LTBP1: variants seen among roughly 807,000 people sequenced by gnomAD.
LTBP1 encodes latent transforming growth factor beta binding protein 1.
Under a neutral mutation model 207.6 loss-of-function variants are expected in LTBP1, and 129 were observed. The ratio of observed to expected loss-of-function variants is 0.62; its 90% CI spans 0.54 to 0.72. LTBP1 has a LOEUF of 0.72. LTBP1 is among the 30% of genes least tolerant of loss of function. The probability of loss-of-function intolerance (pLI) is 0.00; values close to 1 mark genes in which losing one functional copy is unlikely to be tolerated. For missense variants in LTBP1, 2,281 were observed against 2,217.2 expected, an observed-to-expected ratio of 1.03 and a Z score of -0.58; for synonymous variants, 963 against 833.7, an observed-to-expected ratio of 1.16 and a Z score of -2.67.
intron 2 of LTBP1, among the ~76,000 whole-genome samples, chr2:32,953,035 C>G (rs148451684): frequency 9.3e-4 from 141 of 152,310 alleles, no homozygotes; most frequent in African/African-American, 2.2e-3. Context: ...TCACTTAACT[C>G]GTGGCACATC....
At chr2:33,339,353 G>T (rs1257932615) in intron 24 of LTBP1, among the ~76,000 whole-genome samples, 1 of 152,152 alleles carries the variant, frequency 6.6e-6, no homozygotes, top group African/African-American at 2.4e-5. Context: ...GTATGTAAAT[G>T]GTAATTGAAG....
chr2:33,347,551 T>C (rs1408868427), intron 26 of LTBP1, 41 bp downstream of exon 26: 5 of 1,611,536 alleles, frequency 3.1e-6, no homozygotes, highest in Non-Finnish European at 4.2e-6. Flanking sequence ...GACAGGCTCC[T>C]CTCAAAGACC....
intron 3 of LTBP1, among the ~76,000 whole-genome samples, chr2:33,090,393 G>T (rs1029343972): frequency 4.6e-5 from 7 of 152,106 alleles, no homozygotes; most frequent in Non-Finnish European, 1.0e-4. Flanking sequence ...ATGGTATGCC[G>T]AATCTGTCTT....
chr2:33,004,312 G>A (rs1003821653), intron 2 of LTBP1, among the ~76,000 whole-genome samples: 1 of 151,874 alleles, frequency 6.6e-6, no homozygotes, highest in African/African-American at 2.4e-5. Context: ...CTTAAGCTTT[G>A]GCCACACTTT....
At chr2:33,360,334 A>G (rs2094913276) in intron 26 of LTBP1, among the ~76,000 whole-genome samples, 1 of 152,240 alleles carries the variant, frequency 6.6e-6, no homozygotes, top group East Asian at 1.9e-4. Context: ...CCAAATCTGC[A>G]AGAATAAAAT....
chr2:33,331,097 T>C (rs1466792634), intron 24 of LTBP1, among the ~76,000 whole-genome samples: 1 of 151,866 alleles, frequency 6.6e-6, no homozygotes, highest in Non-Finnish European at 1.5e-5. Context: ...GTAGTGATCT[T>C]TTTTAAAATT....
rs777015760 is a variant in LTBP1, at chr2:33,222,062, G to A, written c.1805-18G>A. The A allele has an allele frequency of 1.9e-6, 3 of 1,590,016 alleles. No individual in the cohort carries two copies. The African/African-American group carries it at 4.0e-5, about 21-fold the overall frequency. On this transcript the variant is annotated intron_variant, in intron 8 of 33. Coordinates refer to ENST00000404816, the MANE Select transcript of LTBP1 (RefSeq NM_206943.4). ...TGTAAGAATTTAAGTATGTAACAAA[G>A]CATTTCTTCCCTTACAGCTTATCAT... is the stretch of plus-strand genomic sequence containing the variant.
At chr2:33,312,844 T>C (rs1053749875) in intron 23 of LTBP1, among the ~76,000 whole-genome samples, 1 of 152,184 alleles carries the variant, frequency 6.6e-6, no homozygotes. Context: ...CACTGAGGCA[T>C]AGGATAAAAT....
intron 5 of LTBP1, among the ~76,000 whole-genome samples, chr2:33,180,890 A>G (rs555957641): frequency 1.6e-4 from 24 of 152,344 alleles, no homozygotes; most frequent in African/African-American, 5.5e-4. Flanking sequence ...ATTGCTACCC[A>G]TCACCAACCA....
intron 22 of LTBP1, among the ~76,000 whole-genome samples, 168 bp downstream of exon 22, chr2:33,301,812 G>A (rs566866435): frequency 6.4e-4 from 97 of 152,338 alleles, no homozygotes; most frequent in Admixed American, 1.5e-3. Context: ...AAAGAAGGGA[G>A]TAGAGTCCAG....
chr2:33,362,060 G>A (rs547646188), intron 28 of LTBP1, among the ~76,000 whole-genome samples: 2 of 152,044 alleles, frequency 1.3e-5, no homozygotes, highest in Admixed American at 6.5e-5. Flanking sequence ...TTGATGCTAC[G>A]GTTATATAAT....
intron 3 of LTBP1, among the ~76,000 whole-genome samples, chr2:33,108,107 A>G (rs1427242637): frequency 6.6e-6 from 1 of 152,226 alleles, no homozygotes; most frequent in Non-Finnish European, 1.5e-5. Flanking sequence ...CGAAGGAGAA[A>G]GTGAGGAAGA....
At chr2:32,979,230 TCTA>T (rs1682365605) in intron 2 of LTBP1, among the ~76,000 whole-genome samples, 1 of 151,882 alleles carries the variant, frequency 6.6e-6, no homozygotes, top group Admixed American at 6.6e-5. Flanking sequence ...TTTCTTTTGT[TCTA>T]CTAATTTTGG....
intron 3 of LTBP1, among the ~76,000 whole-genome samples, chr2:33,021,538 G>GAGCT (rs1421373289): frequency 1.3e-5 from 2 of 152,062 alleles, no homozygotes; most frequent in African/African-American, 2.4e-5. Flanking sequence ...TTTGAGGGGG[G>GAGCT]AGCTGCTTTA....
intron 5 of LTBP1, among the ~76,000 whole-genome samples, chr2:33,135,961 T>G (rs979263834): frequency 6.6e-6 from 1 of 152,132 alleles, no homozygotes; most frequent in Non-Finnish European, 1.5e-5. Flanking sequence ...CTTGGAAGTG[T>G]GTGTCTGGGG....
chr2:33,057,173 C>T (rs1242193523), intron 3 of LTBP1, among the ~76,000 whole-genome samples: 1 of 151,588 alleles, frequency 6.6e-6, no homozygotes, highest in Non-Finnish European at 1.5e-5. Context: ...TGATCCAAGT[C>T]CCCACCAGAT....
chr2:33,352,401 A>C (rs1346334686), intron 26 of LTBP1, among the ~76,000 whole-genome samples: 1 of 152,148 alleles, frequency 6.6e-6, no homozygotes, highest in Non-Finnish European at 1.5e-5. Context: ...AAGTGCTGCA[A>C]TTACAGGCAT....
At chr2:33,031,720 A>G (rs576025240) in intron 3 of LTBP1, among the ~76,000 whole-genome samples, 3 of 152,312 alleles carry the variant, frequency 2.0e-5, no homozygotes, top group East Asian at 1.9e-4. Flanking sequence ...CTGTTGGGGA[A>G]TTGATCTCTT....
At chr2:33,082,887 A>G (rs1208881079) in intron 3 of LTBP1, among the ~76,000 whole-genome samples, 1 of 151,918 alleles carries the variant, frequency 6.6e-6, no homozygotes, top group Middle Eastern at 3.2e-3. Flanking sequence ...TCTGGTCCTC[A>G]CTGGGTGGGC....
Sources: gnomAD v4.1 joint callset for allele counts (sites outside exome capture counted in the v4.1 genomes callset) on GRCh38, gnomAD v4.1.1 for gene constraint, MANE v1.5 for transcripts, NCBI Gene and HGNC (gene_info 2026-07-23, HGNC 2026-07-21) for gene names.